NEDD4: variants seen among roughly 807,000 people sequenced by gnomAD.
The protein encoded by NEDD4 is NEDD4 E3 ubiquitin protein ligase.
A neutral mutation model predicts 144.9 loss-of-function variants in NEDD4; 99 were observed. The observed-to-expected ratio is 0.68, with a 90% CI of 0.58 to 0.81. The LOEUF is 0.81. Among genes scored for constraint, NEDD4 ranks in the 30% least tolerant of loss-of-function variants. The pLI, the probability that NEDD4 is intolerant of heterozygous loss-of-function variation, is 0.00. For synonymous variants in NEDD4, 318 were observed against 350.6 expected, an observed-to-expected ratio of 0.91 and a Z score of 1.04; for missense variants, 985 against 1,065.9, an observed-to-expected ratio of 0.92 and a Z score of 1.06.
At chr15:55,897,572 G>A (rs1342191474) in intron 5 of NEDD4, among the ~76,000 whole-genome samples, 1 of 152,176 alleles carries the variant, frequency 6.6e-6, no homozygotes, top group Non-Finnish European at 1.5e-5. Context: ...AGCAATAATA[G>A]TGAGGGTCGA....
chr15:55,977,225 C>T (rs138032615), intron 1 of NEDD4, among the ~76,000 whole-genome samples: 1 of 152,274 alleles, frequency 6.6e-6, no homozygotes. Flanking sequence ...ATGGTGGTCC[C>T]ATAAAATACC....
chr15:55,840,759 T>C (rs764761760), intron 19 of NEDD4, 32 bp from the exon 20 acceptor site: 21 of 1,583,046 alleles, frequency 1.3e-5, no homozygotes, highest in Non-Finnish European at 1.7e-5. Flanking sequence ...AATACTTCAT[T>C]TGAAAAACTT....
intron 5 of NEDD4, among the ~76,000 whole-genome samples, chr15:55,881,592 T>C (rs1024961871): frequency 1.3e-5 from 2 of 152,198 alleles, no homozygotes; most frequent in Non-Finnish European, 2.9e-5. Context: ...TTTGGGTAAC[T>C]GAATTATCTA....
At chr15:55,896,736 T>C (rs1595812358) in intron 5 of NEDD4, among the ~76,000 whole-genome samples, 1 of 152,258 alleles carries the variant, frequency 6.6e-6, no homozygotes, top group African/African-American at 2.4e-5. Context: ...TATGCATATA[T>C]AATTAAAATC....
intron 5 of NEDD4, among the ~76,000 whole-genome samples, chr15:55,891,042 A>T (rs2035555792): frequency 6.6e-6 from 1 of 152,058 alleles, no homozygotes; most frequent in Non-Finnish European, 1.5e-5. Flanking sequence ...TAAAAAAATC[A>T]CCTGTTTTTA....
chr15:55,916,035 A>G (rs753937911), intron 5 of NEDD4: 5 of 1,613,778 alleles, frequency 3.1e-6, no homozygotes, highest in Non-Finnish European at 4.2e-6. Context: ...AAAAATGACT[A>G]AGGAGGAGTA....
At chr15:55,927,337 G>T (rs1595851969) in intron 4 of NEDD4, among the ~76,000 whole-genome samples, 1 of 151,846 alleles carries the variant, frequency 6.6e-6, no homozygotes, top group East Asian at 1.9e-4. Context: ...TTGAGATAGA[G>T]TCTCACTCTG....
Position 55,860,671 on chromosome 15 carries a change from T to A in NEDD4, c.782A>T (p.Glu261Val). The A allele has an allele frequency of 6.2e-7, 1 of 1,614,144 alleles. No individual in the cohort carries two copies. Among genetic ancestry groups the A allele is most frequent in the Non-Finnish European group, 8.5e-7 (1 of 1,179,974 alleles). Reference protein sequence around the residue: ...SEETESVDNRESSENWEIIRE... With the variant: ...SEETESVDNRVSSENWEIIRE... ...GGAAACTACTTATACCTCGGAAGAC[T>A]CTCGGTTGTCAACACTTTCTGTTTC... Residue 261 changes from glutamate (E) to valine (V), a missense_variant, in exon 10 of 29, where the codon GAG becomes GTG. Coordinates refer to ENST00000435532, the MANE Select transcript of NEDD4 (RefSeq NM_006154.4).
At chr15:55,870,529 CTTTT>C (rs58174546) in intron 7 of NEDD4, among the ~76,000 whole-genome samples, 251 of 117,390 alleles carry the variant, frequency 2.1e-3, no homozygotes, top group Non-Finnish European at 3.0e-3. Flanking sequence ...TCTTCTTCTT[CTTTT>C]TTTTTTTTTT....
At chr15:55,901,604 TA>T (rs1397001818) in intron 5 of NEDD4, among the ~76,000 whole-genome samples, 1 of 152,186 alleles carries the variant, frequency 6.6e-6, no homozygotes, top group African/African-American at 2.4e-5. Context: ...TTTGGTTTCT[TA>T]TGAAGAAGTG....
At chr15:55,852,735 TGAGA>T (rs2034041741) in intron 12 of NEDD4, among the ~76,000 whole-genome samples, 192 bp from the exon 13 acceptor site, 1 of 143,790 alleles carries the variant, frequency 7.0e-6, no homozygotes, top group Non-Finnish European at 1.5e-5. Context: ...TTACCTTTTC[TGAGA>T]GAGTGAGAGA....
At chr15:55,958,136 C>T (rs1357694236) in intron 2 of NEDD4, among the ~76,000 whole-genome samples, 2 of 114,112 alleles carry the variant, frequency 1.8e-5, no homozygotes, top group Non-Finnish European at 3.8e-5. Context: ...AGATGACTGT[C>T]TTCTTTTATT....
intron 1 of NEDD4, among the ~76,000 whole-genome samples, chr15:55,992,536 T>G (rs186573864): frequency 6.6e-6 from 1 of 152,342 alleles, no homozygotes; most frequent in East Asian, 1.9e-4. Context: ...AAGGTACATG[T>G]GGCAGCTTAG....
At chr15:55,988,486 TTAA>T (rs1434448840) in intron 1 of NEDD4, among the ~76,000 whole-genome samples, 1 of 32,884 alleles carries the variant, frequency 3.0e-5, no homozygotes, top group Non-Finnish European at 7.4e-5. Context: ...AAAAAAAAAA[TTAA>T]AAAAAAAAAA....
At chr15:55,975,316 T>C (rs2037681530) in intron 1 of NEDD4, among the ~76,000 whole-genome samples, 3 of 152,180 alleles carry the variant, frequency 2.0e-5, no homozygotes, top group South Asian at 2.1e-4. Flanking sequence ...TTGAGAATGA[T>C]ATGAACTTAT....
intron 4 of NEDD4, among the ~76,000 whole-genome samples, chr15:55,944,797 T>G (rs2142284960): frequency 6.6e-6 from 1 of 152,042 alleles, no homozygotes; most frequent in African/African-American, 2.4e-5. Flanking sequence ...AGAGGAAGGA[T>G]GAGGCAGCAA....
intron 5 of NEDD4, among the ~76,000 whole-genome samples, chr15:55,874,595 A>G (rs1457764651): frequency 6.6e-6 from 1 of 152,268 alleles, no homozygotes; most frequent in Non-Finnish European, 1.5e-5. Context: ...AACAGATGGA[A>G]GACTGAGAGG....
intron 2 of NEDD4, among the ~76,000 whole-genome samples, chr15:55,964,692 G>GGT (rs58177503): frequency 0.13 from 18,300 of 136,972 alleles, 1,197 homozygotes; most frequent in South Asian, 0.18. Flanking sequence ...TTTTGCTGCT[G>GGT]GTGTGTGTGT....
At chr15:55,881,188 C>CTTGA (rs2035181317) in intron 5 of NEDD4, among the ~76,000 whole-genome samples, 1 of 149,056 alleles carries the variant, frequency 6.7e-6, no homozygotes, top group South Asian at 2.1e-4. Flanking sequence ...TTTGCCCAGG[C>CTTGA]TGGAGTGCAA....
Sources: allele counts gnomAD v4.1 joint callset (sites outside exome capture counted in the v4.1 genomes callset), GRCh38; gene constraint gnomAD v4.1.1; transcripts MANE v1.5; gene names NCBI Gene and HGNC (gene_info 2026-07-23, HGNC 2026-07-21).